The following CALHM3 variants were observed in gnomAD, a reference collection of about 807,000 sequenced individuals.
The protein encoded by CALHM3 is calcium homeostasis modulator 3.
CALHM3 carries 9 observed loss-of-function variants against 13.6 expected under a neutral mutation model. The ratio of observed to expected loss-of-function variants is 0.66; its 90% CI spans 0.40 to 1.15. The LOEUF (loss-of-function observed/expected upper bound fraction) is 1.15, where lower values mean the gene tolerates loss of function less well. Among genes scored for constraint, CALHM3 ranks in the 50% most tolerant of loss-of-function variants. The pLI is 0.01. For synonymous variants in CALHM3, 231 were observed against 213.2 expected (o/e 1.08, Z -0.73); for missense variants, 497 against 463.4 (o/e 1.07, Z -0.67).
In CALHM3 at chr10:103,473,447, T is replaced by G. The variant is rs748638642; in HGVS notation, c.801A>C (p.Arg267Ser). The change falls in exon 3 of 3, where the codon AGA (arginine) becomes AGC (serine). Residue 267 changes from arginine (R) to serine (S), a missense_variant. Coordinates refer to ENST00000369783, the MANE Select transcript of CALHM3 (RefSeq NM_001129742.2). ...RGLRRGNAGR[R>S]LELPAVPEPP... ...GCTCAGGCACTGCGGGGAGCTCGAG[T>G]CTCCTGCCTGCATTGCCCCGGCGCA... 1 of 1,507,230 alleles carries G rather than the reference T, an allele frequency of 6.6e-7. No individual in the cohort carries two copies. Among genetic ancestry groups the G allele is most frequent in the East Asian group, 2.7e-5 (1 of 37,310 alleles). The allele number at this position is 1,507,230 out of a possible 1,614,324, so 93.4% of individuals were successfully genotyped here.
Position 103,476,375 on chromosome 10 carries a change from C to A in CALHM3, c.462G>T (p.Lys154Asn). The change falls in exon 2 of 3, where the codon AAG becomes AAT. Residue 154 changes from lysine to asparagine, a missense_variant. Lys to Asn is a moderately conservative substitution (Grantham distance 94). Transcript: ENST00000369783. ...CCAGCTCATCCTCCTTGCAGGGAAC[C>A]TTGGCCAGGAAGAGCTGTACCTGGC... is the stretch of plus-strand genomic sequence containing the variant. ...TPSQVQLFLAKVPCKEDELVR... is the reference protein window; with the variant it reads ...TPSQVQLFLANVPCKEDELVR... 6.4e-7 allele frequency: 1 copy of A among 1,551,758 alleles called. No homozygotes were observed. The highest frequency in any genetic ancestry group is 2.4e-5 in the East Asian group (1 of 40,924).
chr10:103,474,506 A>C (rs899364146), intron 2 of CALHM3, among the ~76,000 whole-genome samples: 23 of 151,668 alleles, frequency 1.5e-4, no homozygotes, highest in African/African-American at 5.3e-4. Flanking sequence ...CCCAGGCTGG[A>C]GTGCAATGGC....
intron 1 of CALHM3, among the ~76,000 whole-genome samples, chr10:103,478,045 C>T (rs995575542): frequency 2.4e-4 from 37 of 152,086 alleles, no homozygotes. Context: ...GAAAACTGGC[C>T]GTAAAGAAAT....
intron 1 of CALHM3, among the ~76,000 whole-genome samples, chr10:103,476,761 T>C (rs1447276923): frequency 6.6e-6 from 1 of 152,210 alleles, no homozygotes; most frequent in Non-Finnish European, 1.5e-5. Context: ...GTATTCCTCT[T>C]GCCCTAGGCC....
At position 103,478,778 on chromosome 10, in the gene CALHM3, T is replaced by C; in HGVS notation, c.255A>G (p.Ala85=). The C allele has an allele frequency of 6.5e-7, 1 of 1,546,430 alleles. No individual in the cohort carries two copies. The change falls in exon 1 of 3, where the codon GCA becomes GCG. Residue 85 remains alanine (A), a synonymous_variant. Coordinates refer to ENST00000369783, the MANE Select transcript of CALHM3 (RefSeq NM_001129742.2). ...TGCCTGGGTCCTTCCTCCGGTGCCCTGCGGGCCGGCGCCACTCCTCGACCA... is the reference window on the plus strand; with the variant it reads ...TGCCTGGGTCCTTCCTCCGGTGCCCCGCGGGCCGGCGCCACTCCTCGACCA... The part of the protein sequence containing the change: ...VVMVEEWRRP[A]GHRRKDPGII...
rs751816230 is a variant in CALHM3 at position 103,473,220 on chromosome 10, T to G, written c.1028A>C (p.Asp343Ala). The G allele has an allele frequency of 1.7e-4, 240 of 1,419,216 alleles. No individual in the cohort carries two copies. Among genetic ancestry groups the G allele is most frequent in the Non-Finnish European group, 2.1e-4 (230 of 1,083,914 alleles). 87.9% of individuals were successfully genotyped at this position (1,419,216 alleles called of 1,614,324 possible). A position where few individuals can be genotyped will look rare whatever the true frequency, so the allele number is the denominator to read the frequency against. ...TCAAGCCTGGCCAGGACCCTACACG[T>G]CGGTGTGTTGTGACAGCCTCGTGCC... Reference protein sequence around the residue: ...ALGTRLSQHTDV With the variant: ...ALGTRLSQHTAV Residue 343 changes from aspartate to alanine, a missense_variant, in exon 3 of 3, where the codon GAC (aspartate) becomes GCC (alanine). Transcript: ENST00000369783.
chr10:103,473,599 T>G lies in CALHM3; in HGVS notation c.649A>C (p.Ser217Arg). 1 of 1,551,352 alleles carries G rather than the reference T, an allele frequency of 6.4e-7. No individual in the cohort carries two copies. The highest frequency in any genetic ancestry group is 8.7e-7 in the Non-Finnish European group (1 of 1,147,020). ...QTVFLQRRYWSNYVDLEQKLF... is the reference protein window; with the variant it reads ...QTVFLQRRYWRNYVDLEQKLF... Reference sequence around the variant, plus strand: ...TTCTGCTCCAGGTCCACGTAGTTGCTCCAGTATCTGCGCTGCAGGAAGACT... The same window carrying G: ...TTCTGCTCCAGGTCCACGTAGTTGCGCCAGTATCTGCGCTGCAGGAAGACT... The change falls in exon 3 of 3, where the codon AGC becomes CGC. Residue 217 changes from serine to arginine, a missense_variant. By Grantham distance (110) the Ser-to-Arg change is moderately radical. Transcript: ENST00000369783.
Position 103,476,355 on chromosome 10 carries a change from T to A in CALHM3, c.482A>T (p.Glu161Val). The A allele has an allele frequency of 6.4e-7, 1 of 1,551,718 alleles. No individual in the cohort carries two copies. The highest frequency in any genetic ancestry group is 8.7e-7 in the Non-Finnish European group (1 of 1,147,008). Residue 161 changes from glutamate to valine, a missense_variant, in exon 2 of 3, where the codon GAG (glutamate) becomes GTG (valine). By Grantham distance (121) the Glu-to-Val change is moderately radical. Coordinates refer to ENST00000369783, the MANE Select transcript of CALHM3 (RefSeq NM_001129742.2). The part of the protein sequence containing the change: ...FLAKVPCKED[E>V]LVRDSPARKA... The stretch of plus-strand genomic sequence containing the variant: ...CCGAGCAGGGCTATCCCTGACCAGC[T>A]CATCCTCCTTGCAGGGAACCTTGGC...
At chr10:103,478,443 A>G (rs1053387859) in intron 1 of CALHM3, among the ~76,000 whole-genome samples, 1 of 152,242 alleles carries the variant, frequency 6.6e-6, no homozygotes. Context: ...CAGCCCCTAG[A>G]GTGGCCTGGG....
At position 103,473,207 on chromosome 10, in the gene CALHM3, A is replaced by G; in HGVS notation, c.*6T>C. The G allele has an allele frequency of 6.5e-6, 9 of 1,395,198 alleles. No individual in the cohort carries two copies. Among genetic ancestry groups the G allele is most frequent in the Non-Finnish European group, 8.4e-6 (9 of 1,072,252 alleles). 86.4% of individuals were successfully genotyped at this position (1,395,198 alleles called of 1,614,324 possible). On this transcript the variant is annotated 3_prime_UTR_variant, in exon 3 of 3. Coordinates refer to ENST00000369783, the MANE Select transcript of CALHM3 (RefSeq NM_001129742.2). ...GAACACTGCCGCTTCAAGCCTGGCC[A>G]GGACCCTACACGTCGGTGTGTTGTG...
Position 103,476,396 on chromosome 10 carries a change from C to T in CALHM3, c.441G>A (p.Gln147=). The T allele has an allele frequency of 6.4e-7, 1 of 1,551,756 alleles. No homozygotes were observed. Among genetic ancestry groups the T allele is most frequent in the Non-Finnish European group, 8.7e-7 (1 of 1,147,002 alleles). Reference sequence around the variant, plus strand: ...GAACCTTGGCCAGGAAGAGCTGTACCTGGCTGGGGGTCATGTTGGCAAAGT... The same window carrying T: ...GAACCTTGGCCAGGAAGAGCTGTACTTGGCTGGGGGTCATGTTGGCAAAGT... ...FLDFANMTPS[Q]VQLFLAKVPC... is the part of the protein sequence containing the mutation. Residue 147 remains glutamine (Q), a synonymous_variant, in exon 2 of 3, where the codon CAG becomes CAA. Coordinates refer to ENST00000369783, the MANE Select transcript of CALHM3 (RefSeq NM_001129742.2).
At position 103,473,186 on chromosome 10, in the gene CALHM3, A is replaced by G; in HGVS notation, c.*27T>C. On this transcript the variant is annotated 3_prime_UTR_variant, in exon 3 of 3. Coordinates refer to ENST00000369783, the MANE Select transcript of CALHM3 (RefSeq NM_001129742.2). ...TCAGCGCGGCATTTCACCTGCGAAC[A>G]CTGCCGCTTCAAGCCTGGCCAGGAC... 1 of 1,324,148 alleles carries G rather than the reference A, an allele frequency of 7.6e-7. No homozygotes were observed. Among genetic ancestry groups the G allele is most frequent in the Non-Finnish European group, 9.7e-7 (1 of 1,032,760 alleles). 82.0% of individuals were successfully genotyped at this position (1,324,148 alleles called of 1,614,324 possible).
intron 2 of CALHM3, among the ~76,000 whole-genome samples, chr10:103,476,059 A>C (rs972221260): frequency 7.9e-5 from 12 of 152,244 alleles, no homozygotes; most frequent in African/African-American, 2.9e-4. Context: ...TGCTCACTGC[A>C]GTGCCTGGCA....
chr10:103,473,384 G>A lies in CALHM3; in HGVS notation c.864C>T (p.His288=), dbSNP rs1284097260. The A allele has an allele frequency of 9.4e-6, 14 of 1,496,692 alleles. No homozygotes were observed. The highest frequency in any genetic ancestry group is 5.0e-5 in the East Asian group (2 of 40,054). The allele number at this position is 1,496,692 out of a possible 1,614,324, so 92.7% of individuals were successfully genotyped here. A position where few individuals can be genotyped will look rare whatever the true frequency, so the allele number is the denominator to read the frequency against. Residue 288 remains histidine, a synonymous_variant, in exon 3 of 3, where the codon CAC becomes CAT. Coordinates refer to ENST00000369783, the MANE Select transcript of CALHM3 (RefSeq NM_001129742.2). ...EGLDSGSGKA[H]LRAISSREQV... Reference sequence around the variant, plus strand: ...GCTCCCGGCTGGAGATTGCGCGCAGGTGGGCCTTCCCACTTCCACTATCCA... The same window carrying A: ...GCTCCCGGCTGGAGATTGCGCGCAGATGGGCCTTCCCACTTCCACTATCCA...
In CALHM3 at chr10:103,473,324, G is replaced by A; in HGVS notation, c.924C>T (p.Ser308=). The part of the protein sequence containing the change: ...VDRLLSTWYS[S]KPPLDLAASP... ...ATGCAGCCAGGTCCAGCGGCGGCTT[G>A]CTGGAGTACCACGTGCTTAGGAGGC... Residue 308 remains serine (S), a synonymous_variant, in exon 3 of 3, where the codon AGC becomes AGT. Transcript: ENST00000369783. 6.7e-7 allele frequency: 1 copy of A among 1,498,030 alleles called. No individual in the cohort carries two copies. The highest frequency in any genetic ancestry group is 8.9e-7 in the Non-Finnish European group (1 of 1,119,060). The allele number at this position is 1,498,030 out of a possible 1,614,324, so 92.8% of individuals were successfully genotyped here. A position where few individuals can be genotyped will look rare whatever the true frequency, so the allele number is the denominator to read the frequency against.
chr10:103,477,643 C>T (rs2033405122), intron 1 of CALHM3, among the ~76,000 whole-genome samples: 1 of 152,154 alleles, frequency 6.6e-6, no homozygotes, highest in Non-Finnish European at 1.5e-5. Context: ...GATTTCAGCT[C>T]ACTGCAACCT....
In CALHM3 at chr10:103,478,989, G is replaced by A. The variant is rs868360348; in HGVS notation, c.44C>T (p.Ser15Leu). 6 of 1,551,632 alleles carry A rather than the reference G, an allele frequency of 3.9e-6. No homozygotes were observed. Among genetic ancestry groups the A allele is most frequent in the South Asian group, 2.4e-5 (2 of 84,054 alleles). ...GCAGATGCCATTCATCACCGACTCC[G>A]AGCTTGACTGGAAGTGCTGGAAGAG... is the stretch of plus-strand genomic sequence containing the variant. The part of the protein sequence containing the change: ...RMLFQHFQSS[S>L]ESVMNGICLL... The change falls in exon 1 of 3, where the codon TCG becomes TTG. Residue 15 changes from serine to leucine, a missense_variant. Transcript: ENST00000369783.
chr10:103,477,940 C>G (rs985707604), intron 1 of CALHM3, among the ~76,000 whole-genome samples: 22 of 152,102 alleles, frequency 1.4e-4, no homozygotes, highest in African/African-American at 5.1e-4. Context: ...TCCATCTTCC[C>G]CAAGGTGGGT....
Position 103,478,879 on chromosome 10 carries a change from C to A in CALHM3, c.154G>T (p.Gly52Cys), listed in dbSNP as rs766546020. ...PCLVHYNALY[G>C]LGLLLTPPLA... is the part of the protein sequence containing the mutation. ...GGGGGCGTCAGCAGCAGGCCCAGGC[C>A]GTAGAGTGCATTGTAGTGCACCAGG... Residue 52 changes from glycine to cysteine, a missense_variant, in exon 1 of 3, where the codon GGC becomes TGC. Transcript: ENST00000369783. 1 of 1,551,614 alleles carries A rather than the reference C, an allele frequency of 6.4e-7. No individual in the cohort carries two copies. Among genetic ancestry groups the A allele is most frequent in the South Asian group, 1.2e-5 (1 of 84,070 alleles).
Sources: gnomAD v4.1 joint callset for allele counts (sites outside exome capture counted in the v4.1 genomes callset) on GRCh38, gnomAD v4.1.1 for gene constraint, MANE v1.5 for transcripts, NCBI Gene and HGNC (gene_info 2026-07-23, HGNC 2026-07-21) for gene names.